Variants in ARMH4 observed in about 807,000 individuals in gnomAD.
ARMH4 encodes armadillo like helical domain containing 4, also known as armadillo-like helical domain-containing protein 4.
Under a neutral mutation model 61.9 loss-of-function variants are expected in ARMH4, and 49 were observed. The ratio of observed to expected loss-of-function variants is 0.79; its 90% CI spans 0.63 to 1.00. The LOEUF is 1.00. Ranked by LOEUF, ARMH4 falls within the 50% of genes least tolerant of loss-of-function variation. The pLI is 0.00. For missense variants in ARMH4, 934 were observed against 930.0 expected, an observed-to-expected ratio of 1.00 and a Z score of -0.06; for synonymous variants, 368 against 341.5, an observed-to-expected ratio of 1.08 and a Z score of -0.85.
chr14:58,045,916 A>C (rs1883920957), intron 5 of ARMH4, among the ~76,000 whole-genome samples: 1 of 152,170 alleles, frequency 6.6e-6, no homozygotes, highest in South Asian at 2.1e-4. Flanking sequence ...TGAGCAATCT[A>C]CAAGTCAAGA....
intron 4 of ARMH4, among the ~76,000 whole-genome samples, chr14:58,099,070 T>C (rs1433815457): frequency 6.6e-6 from 1 of 152,132 alleles, no homozygotes; most frequent in Non-Finnish European, 1.5e-5. Context: ...AGATCCCACA[T>C]GACTGAAAAC....
chr14:58,112,280 A>ATTTTTCTTTTTTTTTTTTTTTTTTT (rs370108382), intron 4 of ARMH4, among the ~76,000 whole-genome samples: 1 of 131,208 alleles, frequency 7.6e-6, no homozygotes, highest in African/African-American at 3.2e-5. Flanking sequence ...TCTGTGCTTA[A>ATTTTTCTTTTTTTTTTTTTTTTTTT]TTTTTCTTTT....
chr14:58,068,551 G>A (rs1884778478), intron 5 of ARMH4, among the ~76,000 whole-genome samples: 1 of 152,106 alleles, frequency 6.6e-6, no homozygotes, highest in Admixed American at 6.5e-5. Flanking sequence ...TAGGAACACA[G>A]AAGTGGATTT....
At position 58,084,399 on chromosome 14, in the gene ARMH4, G is replaced by T. The variant is rs147058345; in HGVS notation, c.2089+12325C>A. Among the ~76,000 whole-genome samples, 5 of 152,162 alleles carry T rather than the reference G, an allele frequency of 3.3e-5. No homozygotes were observed. In the East Asian group the frequency reaches 9.7e-4, roughly 29 times the overall value. ...CCTCTACTATTGGTCTATTTCCCCC[G>T]TGGCAGGACTCAGAAGCCCAAGGCT... On this transcript the variant is annotated intron_variant, in intron 5 of 7. Coordinates refer to ENST00000267485, the MANE Select transcript of ARMH4 (RefSeq NM_001001872.4).
intron 4 of ARMH4, chr14:58,101,480 T>C (rs922761576): frequency 2.6e-5 from 4 of 152,170 alleles, no homozygotes; most frequent in Non-Finnish European, 5.9e-5. Flanking sequence ...GAAAAGGAAA[T>C]GAATCTGCTG....
chr14:58,134,404 C>T (rs1021696881), intron 2 of ARMH4, among the ~76,000 whole-genome samples: 4 of 152,166 alleles, frequency 2.6e-5, no homozygotes, highest in Admixed American at 6.5e-5. Context: ...TATAATAATA[C>T]TCTGCTTTCT....
chr14:58,100,981 A>G (rs1158385962), intron 4 of ARMH4: 1 of 175,580 alleles, frequency 5.7e-6, no homozygotes, highest in East Asian at 1.6e-4. Context: ...AGGAAAAGCC[A>G]AAGATGTTGA....
intron 5 of ARMH4, among the ~76,000 whole-genome samples, chr14:58,050,961 G>T (rs2141199758): frequency 6.6e-6 from 1 of 151,886 alleles, no homozygotes; most frequent in African/African-American, 2.4e-5. Context: ...AATAAAATCG[G>T]ATGAAAGACA....
In ARMH4 at chr14:58,029,951, C is replaced by T. The variant is rs183171275; in HGVS notation, c.2090-17801G>A. 2.0e-3 allele frequency among the ~76,000 whole-genome samples: 311 copies of T among 152,256 alleles called. 1 individual carries two copies. The highest frequency in any genetic ancestry group is 7.1e-3 in the African/African-American group (297 of 41,542). ...CACAGCAGCCAAAAGGAGGAAATAA[C>T]CCAAATGTCCATCAACTGATTGATA... On this transcript the variant is annotated intron_variant, in intron 5 of 7. Transcript: ENST00000267485.
At chr14:58,092,359 T>C (rs777281037) in intron 5 of ARMH4, among the ~76,000 whole-genome samples, 1 of 152,246 alleles carries the variant, frequency 6.6e-6, no homozygotes, top group East Asian at 1.9e-4. Flanking sequence ...TACGTAATTT[T>C]ACAATGTTTA....
chr14:58,078,804 T>A (rs561739837), intron 5 of ARMH4, among the ~76,000 whole-genome samples: 68 of 152,362 alleles, frequency 4.5e-4, no homozygotes, highest in South Asian at 1.9e-3. Context: ...TGGATTTGTC[T>A]CAGGGGCTGT....
Position 58,138,255 on chromosome 14 carries a change from C to A in ARMH4, c.1104G>T (p.Gly368=). The change falls in exon 2 of 8, where the codon GGG becomes GGT. Residue 368 remains glycine, a synonymous_variant. Transcript: ENST00000267485. ...PWTEAAQVAL[G]LPEGETHTGT... is the part of the protein sequence containing the mutation. ...CCGTGTGTGTTTCCCCTTCAGGCAGCCCCAGAGCCACCTGTGCAGCCTCTG... is the reference window on the plus strand; with the variant it reads ...CCGTGTGTGTTTCCCCTTCAGGCAGACCCAGAGCCACCTGTGCAGCCTCTG... The A allele has an allele frequency of 6.2e-7, 1 of 1,614,238 alleles. No individual in the cohort carries two copies. The highest frequency in any genetic ancestry group is 8.5e-7 in the Non-Finnish European group (1 of 1,180,044).
intron 2 of ARMH4, among the ~76,000 whole-genome samples, 163 bp from the exon 3 acceptor site, chr14:58,133,504 T>C (rs1279977351): frequency 6.6e-6 from 1 of 152,164 alleles, no homozygotes; most frequent in Non-Finnish European, 1.5e-5. Flanking sequence ...AAATAAATGT[T>C]TTCTCTGTCA....
At chr14:58,081,151 G>T (rs1474675724) in intron 5 of ARMH4, among the ~76,000 whole-genome samples, 1 of 150,070 alleles carries the variant, frequency 6.7e-6, no homozygotes, top group African/African-American at 2.5e-5. Flanking sequence ...ACTCTCCCAA[G>T]TGAGGTTTCC....
intron 4 of ARMH4, among the ~76,000 whole-genome samples, chr14:58,112,530 C>G (rs185268359): frequency 1.3e-5 from 2 of 152,234 alleles, no homozygotes; most frequent in African/African-American, 4.8e-5. Context: ...GCTCTGTCCT[C>G]TCTTCTTACT....
chr14:58,140,170 G>A (rs1056650204), intron 1 of ARMH4, among the ~76,000 whole-genome samples: 1 of 151,446 alleles, frequency 6.6e-6, no homozygotes, highest in Non-Finnish European at 1.5e-5. Flanking sequence ...AGCTACTCAG[G>A]AGACTGAGGC....
chr14:58,062,110 A>G (rs749482386), intron 5 of ARMH4, among the ~76,000 whole-genome samples: 1 of 152,168 alleles, frequency 6.6e-6, no homozygotes, highest in African/African-American at 2.4e-5. Context: ...AGGCCAAGGA[A>G]GGAGGACCAC....
chr14:58,053,495 T>C (rs1276820604), intron 5 of ARMH4, among the ~76,000 whole-genome samples: 8 of 152,088 alleles, frequency 5.3e-5, no homozygotes, highest in Admixed American at 5.2e-4. Flanking sequence ...CATAGATCAA[T>C]TCCCTTCCTC....
At chr14:58,077,644 T>A (rs1885090373) in intron 5 of ARMH4, among the ~76,000 whole-genome samples, 1 of 152,136 alleles carries the variant, frequency 6.6e-6, no homozygotes. Context: ...GTGGATGCAC[T>A]GGCTGGCAAG....
Sources: gnomAD v4.1 joint callset for allele counts (sites outside exome capture counted in the v4.1 genomes callset) on GRCh38, gnomAD v4.1.1 for gene constraint, MANE v1.5 for transcripts, NCBI Gene and HGNC (gene_info 2026-07-23, HGNC 2026-07-21) for gene names.